The following SMARCA2 variants were observed in gnomAD, a reference collection of about 807,000 sequenced individuals.
SMARCA2 encodes the protein SWI/SNF related BAF chromatin remodeling complex subunit ATPase 2.
In SMARCA2, 61 loss-of-function variants were observed where a neutral mutation model predicts 199.8. That is an observed-to-expected ratio of 0.31 (90% confidence interval 0.25 to 0.38). The LOEUF (loss-of-function observed/expected upper bound fraction) is 0.38, where lower values mean the gene tolerates loss of function less well. Among genes scored for constraint, SMARCA2 ranks in the 10% least tolerant of loss-of-function variants. SMARCA2 has a pLI of 1.00. For missense variants in SMARCA2, 1,344 were observed against 2,012.2 expected, an observed-to-expected ratio of 0.67 and a Z score of 6.35; for synonymous variants, 935 against 732.0, an observed-to-expected ratio of 1.28 and a Z score of -4.48.
rs1332959764 is a variant in SMARCA2, at chr9:2,170,062, T to C, written c.4200-357T>C. On this transcript the variant is annotated intron_variant, in intron 28 of 33. Coordinates refer to ENST00000349721, the MANE Select transcript of SMARCA2 (RefSeq NM_003070.5). This position sits in a 1 kb window ranked among gnomAD's most constrained non-coding sequence, Gnocchi z 4.7. ...TTACAAATGAGGGGCTAAACTCAGA[T>C]AGACTAGCACTACCTTCCCAAGATC... Among the ~76,000 whole-genome samples the C allele has an allele frequency of 6.6e-6, 1 of 152,152 alleles. No homozygotes were observed. Among genetic ancestry groups the C allele is most frequent in the East Asian group, 1.9e-4 (1 of 5,188 alleles).
Position 2,123,711 on chromosome 9 carries a change from G to A in SMARCA2, c.3763-8G>A, listed in dbSNP as rs753403099. ...GACTTTCGGTGACCCTCTTATTAAT[G>A]TCTCCAGCGGATGGACATGGACCGG... On this transcript the variant is annotated splice_polypyrimidine_tract_variant and splice_region_variant and intron_variant, in intron 26 of 33. Coordinates refer to ENST00000349721, the MANE Select transcript of SMARCA2 (RefSeq NM_003070.5). This position sits in a 1 kb window ranked among gnomAD's most constrained non-coding sequence, Gnocchi z 4.1. The A allele has an allele frequency of 3.7e-6, 6 of 1,613,468 alleles. No individual in the cohort carries two copies. The highest frequency in any genetic ancestry group is 3.4e-6 in the Non-Finnish European group (4 of 1,179,538).
In SMARCA2 at chr9:2,123,987, G is replaced by A. The variant is rs1439238251; in HGVS notation, c.3981+50G>A. The A allele has an allele frequency of 4.8e-6, 7 of 1,464,872 alleles. No individual in the cohort carries two copies. In the African/African-American group the frequency reaches 8.4e-5, roughly 18 times the overall value. 90.7% of individuals were successfully genotyped at this position (1,464,872 alleles called of 1,614,324 possible). A position where few individuals can be genotyped will look rare whatever the true frequency, so the allele number is the denominator to read the frequency against. The stretch of plus-strand genomic sequence containing the variant: ...TCTCACTAGGTGGAGGGTTTTTGGT[G>A]GCTTGGAGAAACCAGGGGCCTAGAG... On this transcript the variant is annotated intron_variant, in intron 27 of 33. Coordinates refer to ENST00000349721, the MANE Select transcript of SMARCA2 (RefSeq NM_003070.5). The surrounding 1 kb of genome is among the most constrained non-coding windows in gnomAD (Gnocchi z 4.1).
chr9:2,024,951 T>C (rs766640281), intron 1 of SMARCA2, among the ~76,000 whole-genome samples: 55 of 152,354 alleles, frequency 3.6e-4, no homozygotes, highest in Non-Finnish European at 5.9e-4. Context: ...TGGGGGTCTT[T>C]GGTGTTTCTG....
intron 3 of SMARCA2, among the ~76,000 whole-genome samples, chr9:2,034,064 G>A (rs1310709263): frequency 6.6e-6 from 1 of 152,016 alleles, no homozygotes; most frequent in Non-Finnish European, 1.5e-5. Flanking sequence ...GGTCAACATG[G>A]TGAAACCCCG....
In SMARCA2 at chr9:2,115,753, G is replaced by C. The variant is rs987260975; in HGVS notation, c.3457-69G>C. 1.7e-5 allele frequency: 21 copies of C among 1,226,852 alleles called. No homozygotes were observed. The highest frequency in any genetic ancestry group is 2.5e-5 in the Non-Finnish European group (21 of 846,640). 76.0% of individuals were successfully genotyped at this position (1,226,852 alleles called of 1,614,324 possible). A position where few individuals can be genotyped will look rare whatever the true frequency, so the allele number is the denominator to read the frequency against. The stretch of plus-strand genomic sequence containing the variant: ...AGAACCCTTCCATATTTCCCTCTGG[G>C]GTGGGGTCCGGTTTTGGATGCCTAT... On this transcript the variant is annotated intron_variant, in intron 24 of 33. Coordinates refer to ENST00000349721, the MANE Select transcript of SMARCA2 (RefSeq NM_003070.5). This position sits in a 1 kb window ranked among gnomAD's most constrained non-coding sequence, Gnocchi z 6.0.
intron 19 of SMARCA2, among the ~76,000 whole-genome samples, chr9:2,089,327 C>A (rs1462641220): frequency 1.3e-5 from 2 of 152,106 alleles, no homozygotes; most frequent in Admixed American, 1.3e-4. Flanking sequence ...TATTTGAATT[C>A]TAAGTTTCAT....
intron 10 of SMARCA2, 95 bp from the exon 11 acceptor site, chr9:2,073,117 C>A: frequency 6.9e-7 from 1 of 1,441,762 alleles, no homozygotes; most frequent in Non-Finnish European, 9.5e-7. Context: ...TAAGGTTTCA[C>A]ATGCTGGGCA....
At chr9:2,133,715 C>T (rs1824066512) in intron 27 of SMARCA2, among the ~76,000 whole-genome samples, 1 of 151,222 alleles carries the variant, frequency 6.6e-6, no homozygotes, top group Admixed American at 6.6e-5. Context: ...TGTAATTATT[C>T]ATTAAGAGGT....
chr9:2,054,798 C>T lies in SMARCA2; in HGVS notation c.1173+75C>T, dbSNP rs570823872. 58 of 1,478,086 alleles carry T rather than the reference C, an allele frequency of 3.9e-5. No individual in the cohort carries two copies. In the African/African-American group the frequency reaches 7.7e-4, roughly 20 times the overall value. The allele number at this position is 1,478,086 out of a possible 1,614,324, so 91.6% of individuals were successfully genotyped here. ...GTTCCTAAAGTGTTATCTGTGTTGCCTTTAGTCTATTCAATATTGTTACAA... is the reference window on the plus strand; with the variant it reads ...GTTCCTAAAGTGTTATCTGTGTTGCTTTTAGTCTATTCAATATTGTTACAA... On this transcript the variant is annotated intron_variant, in intron 6 of 33. Coordinates refer to ENST00000349721, the MANE Select transcript of SMARCA2 (RefSeq NM_003070.5).
intron 27 of SMARCA2, among the ~76,000 whole-genome samples, chr9:2,154,959 T>C (rs551843475): frequency 6.6e-6 from 1 of 152,286 alleles, no homozygotes; most frequent in East Asian, 1.9e-4. Context: ...GATCTCGGAA[T>C]AGGAAAGCAG....
intron 27 of SMARCA2, among the ~76,000 whole-genome samples, chr9:2,150,174 C>G (rs1029715602): frequency 1.3e-5 from 2 of 151,628 alleles, no homozygotes; most frequent in Non-Finnish European, 3.0e-5. Context: ...TTTTGCATAT[C>G]TCCTGTTGGC....
intron 29 of SMARCA2, among the ~76,000 whole-genome samples, chr9:2,174,128 A>G (rs1826405546): frequency 6.6e-6 from 1 of 152,096 alleles, no homozygotes; most frequent in Non-Finnish European, 1.5e-5. Flanking sequence ...GCTTCCCCTT[A>G]TCTTCCAGCA....
chr9:2,124,325 G>A (rs1823593317), intron 27 of SMARCA2, among the ~76,000 whole-genome samples: 1 of 152,170 alleles, frequency 6.6e-6, no homozygotes, highest in South Asian at 2.1e-4. Flanking sequence ...CTTTGTAATT[G>A]TTCCCCCTCA....
In SMARCA2 at chr9:2,147,912, C is replaced by G. The variant is rs1447710745; in HGVS notation, c.3982-13774C>G. Among the ~76,000 whole-genome samples the G allele has an allele frequency of 2.6e-5, 4 of 151,502 alleles. No individual in the cohort carries two copies. The East Asian group carries it at 5.8e-4, about 22-fold the overall frequency. ...TGGCATGATCACAGCTCATTGCAGCCTCCCTCAAACTCCTGGCCTTGAGTG... is the reference window on the plus strand; with the variant it reads ...TGGCATGATCACAGCTCATTGCAGCGTCCCTCAAACTCCTGGCCTTGAGTG... On this transcript the variant is annotated intron_variant, in intron 27 of 33. Coordinates refer to ENST00000349721, the MANE Select transcript of SMARCA2 (RefSeq NM_003070.5).
At chr9:2,092,272 A>G (rs557922469) in intron 19 of SMARCA2, among the ~76,000 whole-genome samples, 10 of 152,334 alleles carry the variant, frequency 6.6e-5, no homozygotes, top group Admixed American at 2.6e-4. Flanking sequence ...CTAGAGGTTG[A>G]CCTACCTAAA....
chr9:2,103,963 G>C (rs562524684), intron 22 of SMARCA2, 40 bp from the exon 23 acceptor site: 7 of 1,593,796 alleles, frequency 4.4e-6, no homozygotes, highest in Non-Finnish European at 6.0e-6. Flanking sequence ...GAAGACAGAA[G>C]TAATACTGTC....
At chr9:2,107,097 T>G (rs1302998849) in intron 23 of SMARCA2, among the ~76,000 whole-genome samples, 1 of 152,176 alleles carries the variant, frequency 6.6e-6, no homozygotes, top group Non-Finnish European at 1.5e-5. Context: ...TATTAAAAAT[T>G]TTGTTAAATT....
intron 33 of SMARCA2, chr9:2,191,908 C>G (rs541215773): frequency 6.5e-6 from 1 of 153,706 alleles, no homozygotes; most frequent in African/African-American, 2.4e-5. Flanking sequence ...CAGTGAGCAT[C>G]TATTGAGCCA....
At chr9:2,082,281 C>T (rs1821597339) in intron 15 of SMARCA2, among the ~76,000 whole-genome samples, 1 of 145,772 alleles carries the variant, frequency 6.9e-6, no homozygotes, top group Non-Finnish European at 1.5e-5. Context: ...CATCATTATT[C>T]CTTAAGTGGC....
Sources: allele counts gnomAD v4.1 joint callset (sites outside exome capture counted in the v4.1 genomes callset), GRCh38; gene constraint gnomAD v4.1.1; non-coding constraint Gnocchi (gnomAD v3.1); transcripts MANE v1.5; gene names NCBI Gene and HGNC (gene_info 2026-07-23, HGNC 2026-07-21).